Variants in ARL17B observed in about 807,000 individuals in gnomAD.
The protein encoded by ARL17B is ARF like GTPase 17B.
intron 4 of ARL17B, among the ~76,000 whole-genome samples, chr17:46,280,722 C>A (rs2696517): frequency 6.6e-6 from 1 of 151,916 alleles, no homozygotes; most frequent in Non-Finnish European, 1.5e-5. Flanking sequence ...TACAGGCATG[C>A]GCCACTATGC....
At chr17:46,279,142 C>T (rs1025087613) in intron 4 of ARL17B, among the ~76,000 whole-genome samples, 26 of 151,618 alleles carry the variant, frequency 1.7e-4, no homozygotes, top group African/African-American at 6.3e-4. Context: ...ATATTTTTCT[C>T]TATACCACCT....
chr17:46,327,931 G>A lies in ARL17B; in HGVS notation c.259+24889C>T, dbSNP rs1286923191. ...CTCAAATTGTCCAGATTTGACCAAT[G>A]CAGTCTTTGTTATTTTTTAACTCCG... On this transcript the variant is annotated intron_variant, in intron 3 of 4. Transcript: ENST00000434041. Among the ~76,000 whole-genome samples the A allele has an allele frequency of 2.0e-4, 12 of 61,038 alleles. 3 individuals are homozygous for A. The highest frequency in any genetic ancestry group is 4.4e-4 in the African/African-American group (12 of 27,394). 40.0% of individuals were successfully genotyped at this position (61,038 alleles called of 152,430 possible).
At position 46,327,001 on chromosome 17, in the gene ARL17B, A is replaced by G. The variant is rs2051763417; in HGVS notation, c.259+25819T>C. On this transcript the variant is annotated intron_variant, in intron 3 of 4. Transcript: ENST00000434041. Reference sequence around the variant, plus strand: ...GAAAGAATAGTACAGAATCCAATCAAAGATCAGGCACTGCATGTCATGTCT... The same window carrying G: ...GAAAGAATAGTACAGAATCCAATCAGAGATCAGGCACTGCATGTCATGTCT... 6.1e-5 allele frequency among the ~76,000 whole-genome samples: 5 copies of G among 81,522 alleles called. No homozygotes were observed. In the South Asian group the frequency reaches 2.4e-3, roughly 40 times the overall value. The allele number at this position is 81,522 out of a possible 152,430, so 53.5% of individuals were successfully genotyped here.
chr17:46,350,559 T>G, intron 3 of ARL17B, among the ~76,000 whole-genome samples: 1 of 73,726 alleles, frequency 1.4e-5, no homozygotes, highest in Admixed American at 1.4e-4. Flanking sequence ...GAATAAGCAG[T>G]TAAAAAAAAA....
chr17:46,357,121 C>T (rs1166052837), intron 2 of ARL17B, among the ~76,000 whole-genome samples: 2 of 81,782 alleles, frequency 2.4e-5, no homozygotes, highest in Non-Finnish European at 4.5e-5. Context: ...TGTAGTGAGC[C>T]GAGATCGCGC....
intron 4 of ARL17B, among the ~76,000 whole-genome samples, chr17:46,291,503 C>T (rs972726029): frequency 5.3e-5 from 8 of 149,822 alleles, no homozygotes; most frequent in African/African-American, 2.0e-4. Context: ...GATAGGCTCC[C>T]TGCTGGAAGT....
At chr17:46,285,059 G>C (rs1222111494) in intron 4 of ARL17B, among the ~76,000 whole-genome samples, 1 of 152,016 alleles carries the variant, frequency 6.6e-6, no homozygotes, top group Non-Finnish European at 1.5e-5. Flanking sequence ...TGTAGAGATG[G>C]GGTCTCACTT....
chr17:46,280,921 G>A (rs1284933489), intron 4 of ARL17B, among the ~76,000 whole-genome samples: 4 of 152,200 alleles, frequency 2.6e-5, no homozygotes, highest in Non-Finnish European at 5.9e-5. Context: ...AGGGTACCCT[G>A]AGTCCTTACA....
At chr17:46,290,048 G>A (rs1181772587) in intron 4 of ARL17B, among the ~76,000 whole-genome samples, 2 of 152,266 alleles carry the variant, frequency 1.3e-5, no homozygotes, top group African/African-American at 4.8e-5. Flanking sequence ...AAGCCTGAGA[G>A]GTGAAGACTT....
At chr17:46,307,750 G>A (rs1245287582) in intron 3 of ARL17B, among the ~76,000 whole-genome samples, 1 of 79,186 alleles carries the variant, frequency 1.3e-5, no homozygotes, top group East Asian at 2.5e-4. Context: ...GGGAGCGGTG[G>A]CTCATGCCTG....
intron 4 of ARL17B, among the ~76,000 whole-genome samples, chr17:46,279,972 G>C (rs1036600596): frequency 6.6e-6 from 1 of 152,206 alleles, no homozygotes; most frequent in African/African-American, 2.4e-5. Context: ...CCATTCTCCT[G>C]CTAGGATTTG....
intron 3 of ARL17B, among the ~76,000 whole-genome samples, chr17:46,327,238 A>G (rs2051787651): frequency 1.4e-5 from 1 of 71,360 alleles, no homozygotes; most frequent in Non-Finnish European, 3.8e-5. Flanking sequence ...GGCCTGTAAT[A>G]CTAAGTTTGA....
At chr17:46,317,140 T>A (rs1189258128) in intron 3 of ARL17B, among the ~76,000 whole-genome samples, 3 of 71,822 alleles carry the variant, frequency 4.2e-5, no homozygotes, top group Non-Finnish European at 8.5e-5. Context: ...ACCTCCCAGA[T>A]GGGGTGGCGG....
rs1471573997 is a variant in ARL17B, at chr17:46,304,590, C to T, written c.260-4925G>A. The stretch of plus-strand genomic sequence containing the variant: ...TATCAGCCAGACAACGTTACACCAT[C>T]CAGGTAAAGAGGGAGGGACAAACTC... On this transcript the variant is annotated intron_variant, in intron 3 of 4. Coordinates refer to the ARL17B transcript ENST00000434041. 5.3e-5 allele frequency among the ~76,000 whole-genome samples: 4 copies of T among 75,600 alleles called. 2 individuals are homozygous for T. The highest frequency in any genetic ancestry group is 1.6e-4 in the Non-Finnish European group (4 of 25,216). 49.6% of individuals were successfully genotyped at this position (75,600 alleles called of 152,430 possible).
intron 4 of ARL17B, among the ~76,000 whole-genome samples, chr17:46,290,603 T>C (rs1310511367): frequency 6.6e-6 from 1 of 152,138 alleles, no homozygotes; most frequent in African/African-American, 2.4e-5. Flanking sequence ...CCTGCCACCA[T>C]GCCTGGCTAA....
At chr17:46,274,765 G>T (rs2668622), downstream of ARL17B, 21,759 of 150,430 alleles carry the variant, frequency 0.14, 1,921 homozygotes, top group Middle Eastern at 0.22. Flanking sequence ...CAGTATCATT[G>T]TTTCTTGCTT....
chr17:46,340,206 GTTTT>G (rs1165673930), intron 3 of ARL17B, among the ~76,000 whole-genome samples: 9 of 83,628 alleles, frequency 1.1e-4, no homozygotes, highest in Admixed American at 8.4e-4. Context: ...AGTTTTGTTT[GTTTT>G]TTTTTCTTTT....
At chr17:46,298,751 G>A (rs1285750835), downstream of ARL17B, among the ~76,000 whole-genome samples, 1 of 97,986 alleles carries the variant, frequency 1.0e-5, no homozygotes, top group Non-Finnish European at 2.0e-5. Context: ...AAAAATGATA[G>A]GAGGGAAGAA....
At chr17:46,282,805 G>A (rs62071635) in intron 4 of ARL17B, among the ~76,000 whole-genome samples, 4,635 of 127,398 alleles carry the variant, frequency 0.036, no homozygotes, top group Middle Eastern at 0.063. Flanking sequence ...AAAGCACCCC[G>A]TGGCTTTTCC....
Sources: allele counts gnomAD v4.1 joint callset (sites outside exome capture counted in the v4.1 genomes callset), GRCh38; gene constraint gnomAD v4.1.1; transcripts MANE v1.5; gene names NCBI Gene and HGNC (gene_info 2026-07-23, HGNC 2026-07-21).